Variants in TAFA5 observed in about 807,000 individuals in gnomAD.
The protein encoded by TAFA5 is chemokine-like protein TAFA-5.
A neutral mutation model predicts 15.3 loss-of-function variants in TAFA5; 6 were observed. The ratio of observed to expected loss-of-function variants is 0.39; its 90% CI spans 0.21 to 0.77. TAFA5 has a LOEUF of 0.77. Among genes scored for constraint, TAFA5 ranks in the 30% least tolerant of loss-of-function variants. TAFA5 has a pLI of 0.41. For synonymous variants in TAFA5, 103 were observed against 80.7 expected (o/e 1.28, Z -1.48); for missense variants, 161 against 193.1 (o/e 0.83, Z 0.98).
intron 2 of TAFA5, among the ~76,000 whole-genome samples, chr22:48,660,282 A>T (rs1230249639): frequency 1.3e-5 from 2 of 152,226 alleles, no homozygotes; most frequent in African/African-American, 4.8e-5. Flanking sequence ...ACTCTGGAGC[A>T]GAAGTGGCGC....
rs8140325 is a variant in TAFA5 at position 48,548,749 on chromosome 22, C to T, written c.112+59045C>T. Among the ~76,000 whole-genome samples, 107 of 152,374 alleles carry T rather than the reference C, an allele frequency of 7.0e-4. 1 individual carries two copies. The South Asian group carries it at 0.021, about 30-fold the overall frequency. On this transcript the variant is annotated intron_variant, in intron 1 of 3. Coordinates refer to ENST00000402357, the MANE Select transcript of TAFA5 (RefSeq NM_001082967.3). ...GCCACATGGCCAAGCGCAGCATCAG[C>T]GCAGGTGAGAGCGTGCATGAGAGTT...
At chr22:48,546,649 C>T (rs1434507242) in intron 1 of TAFA5, 1 of 466,816 alleles carries the variant, frequency 2.1e-6, no homozygotes, top group Non-Finnish European at 4.5e-6. Flanking sequence ...GCGAGTCCTC[C>T]TCCTACTTCC....
chr22:48,693,966 G>A (rs371721106), intron 2 of TAFA5, among the ~76,000 whole-genome samples: 1 of 152,164 alleles, frequency 6.6e-6, no homozygotes, highest in African/African-American at 2.4e-5. Context: ...TTCTGTAGAC[G>A]ATTCAGCATC....
intron 2 of TAFA5, among the ~76,000 whole-genome samples, chr22:48,652,733 A>G (rs1243539804): frequency 6.6e-6 from 1 of 152,172 alleles, no homozygotes; most frequent in Admixed American, 6.5e-5. Context: ...CCTTCCTGAG[A>G]AAAGGACTCA....
intron 1 of TAFA5, among the ~76,000 whole-genome samples, chr22:48,506,161 C>T (rs1920994014): frequency 6.6e-6 from 1 of 152,222 alleles, no homozygotes; most frequent in Non-Finnish European, 1.5e-5. Flanking sequence ...CTGGCCTCGC[C>T]TGGCCCCTCC....
At chr22:48,681,304 A>G (rs1928176394) in intron 2 of TAFA5, among the ~76,000 whole-genome samples, 1 of 152,086 alleles carries the variant, frequency 6.6e-6, no homozygotes, top group Admixed American at 6.5e-5. Context: ...GAGGACACGC[A>G]CAGCTCAGCA....
intron 3 of TAFA5, among the ~76,000 whole-genome samples, chr22:48,730,511 T>G (rs1346356374): frequency 6.6e-6 from 1 of 152,244 alleles, no homozygotes; most frequent in Admixed American, 6.5e-5. Flanking sequence ...TTTGCAAATA[T>G]TGCCGTTTTC....
At position 48,650,298 on chromosome 22, in the gene TAFA5, G is replaced by A. The variant is rs187379338; in HGVS notation, c.262+3552G>A. On this transcript the variant is annotated intron_variant, in intron 2 of 3. Coordinates refer to ENST00000402357, the MANE Select transcript of TAFA5 (RefSeq NM_001082967.3). ...GACTGTGCTCACTTGTCCATTGGTC[G>A]GTTTCTTAATTATTCATACATTTGC... Among the ~76,000 whole-genome samples, 13 of 152,202 alleles carry A rather than the reference G, an allele frequency of 8.5e-5. No homozygotes were observed. The East Asian group carries it at 1.7e-3, about 20-fold the overall frequency.
At chr22:48,698,248 A>G (rs936537955) in intron 2 of TAFA5, among the ~76,000 whole-genome samples, 1 of 151,942 alleles carries the variant, frequency 6.6e-6, no homozygotes, top group African/African-American at 2.4e-5. Context: ...GGCCCAGGCA[A>G]GTGGATCACC....
intron 2 of TAFA5, 66 bp downstream of exon 2, chr22:48,646,812 C>G (rs1180038872): frequency 6.7e-7 from 1 of 1,498,896 alleles, no homozygotes; most frequent in Admixed American, 2.0e-5. Flanking sequence ...GTGCCTCTTC[C>G]CTGACGCGGC....
intron 3 of TAFA5, among the ~76,000 whole-genome samples, chr22:48,744,114 G>A (rs181280536): frequency 3.4e-4 from 52 of 152,336 alleles, no homozygotes; most frequent in African/African-American, 9.4e-4. Context: ...CCCACGGCAC[G>A]GGGGTGGCCT....
At chr22:48,527,333 C>T (rs1218673656) in intron 1 of TAFA5, among the ~76,000 whole-genome samples, 3 of 152,370 alleles carry the variant, frequency 2.0e-5, no homozygotes, top group Admixed American at 2.0e-4. Context: ...GTTCTTACAG[C>T]GCAGCTGGTA....
chr22:48,670,731 A>G (rs1394645529), intron 2 of TAFA5, among the ~76,000 whole-genome samples: 1 of 152,198 alleles, frequency 6.6e-6, no homozygotes, highest in African/African-American at 2.4e-5. Context: ...TGCTGGGTTG[A>G]GGCATTTTGT....
chr22:48,637,941 G>C (rs1196477607), intron 1 of TAFA5, among the ~76,000 whole-genome samples: 2 of 152,148 alleles, frequency 1.3e-5, no homozygotes, highest in Non-Finnish European at 2.9e-5. Flanking sequence ...CTGGGATCCT[G>C]AGGCTGTCCT....
At position 48,550,255 on chromosome 22, in the gene TAFA5, G is replaced by A. The variant is rs1046485127; in HGVS notation, c.112+60551G>A. On this transcript the variant is annotated intron_variant, in intron 1 of 3. Transcript: ENST00000402357. This position sits in a 1 kb window ranked among gnomAD's most constrained non-coding sequence, Gnocchi z 4.1. ...TGGCTCCAGGGCCTGGGCAGATGGC[G>A]CATCTGGCCGGGATAAGGTGTAGGC... is the stretch of plus-strand genomic sequence containing the variant. 2.6e-5 allele frequency among the ~76,000 whole-genome samples: 4 copies of A among 152,200 alleles called. No homozygotes were observed. Among genetic ancestry groups the A allele is most frequent in the African/African-American group, 4.8e-5 (2 of 41,456 alleles).
chr22:48,577,666 G>A (rs1923866831), intron 1 of TAFA5, among the ~76,000 whole-genome samples: 1 of 152,226 alleles, frequency 6.6e-6, no homozygotes, highest in African/African-American at 2.4e-5. Flanking sequence ...GCCTGGGGAA[G>A]CAGGTAGGTG....
At chr22:48,492,343 A>G (rs1322135358) in intron 1 of TAFA5, among the ~76,000 whole-genome samples, 1 of 152,208 alleles carries the variant, frequency 6.6e-6, no homozygotes. Context: ...AGGGAAACTG[A>G]TAAGTATCAT....
chr22:48,579,952 C>CT (rs1293949808), intron 1 of TAFA5, among the ~76,000 whole-genome samples: 3 of 152,230 alleles, frequency 2.0e-5, no homozygotes, highest in Admixed American at 6.5e-5. Flanking sequence ...AGGTTCAACT[C>CT]TATCTCGGTA....
intron 1 of TAFA5, among the ~76,000 whole-genome samples, chr22:48,535,102 C>T (rs779246529): frequency 6.6e-6 from 1 of 152,162 alleles, no homozygotes; most frequent in Non-Finnish European, 1.5e-5. Context: ...GGGCCTCTCA[C>T]CCTGGGATCC....
Sources: allele counts gnomAD v4.1 joint callset (sites outside exome capture counted in the v4.1 genomes callset), GRCh38; gene constraint gnomAD v4.1.1; non-coding constraint Gnocchi (gnomAD v3.1); transcripts MANE v1.5; gene names NCBI Gene and HGNC (gene_info 2026-07-23, HGNC 2026-07-21).